The following HCN1 variants were observed in gnomAD, a reference collection of about 807,000 sequenced individuals.
The protein encoded by HCN1 is hyperpolarization activated cyclic nucleotide gated potassium channel 1.
Under a neutral mutation model 78.9 loss-of-function variants are expected in HCN1, and 13 were observed. That is an observed-to-expected ratio of 0.16 (90% CI 0.11 to 0.26). The LOEUF is 0.26. Ranked by LOEUF, HCN1 falls within the 10% of genes least tolerant of loss-of-function variation. The probability of loss-of-function intolerance (pLI) is 1.00; values close to 1 mark genes in which losing one functional copy is unlikely to be tolerated. For synonymous variants in HCN1, 552 were observed against 455.5 expected (o/e 1.21, Z -2.70); for missense variants, 810 against 1,154.3 (o/e 0.70, Z 4.32).
chr5:45,583,781 G>C lies in HCN1; in HGVS notation c.849+61404C>G, dbSNP rs547872158. Among the ~76,000 whole-genome samples, 49 of 152,184 alleles carry C rather than the reference G, an allele frequency of 3.2e-4. 1 individual carries two copies. Among genetic ancestry groups the C allele is most frequent in the South Asian group, 2.9e-3 (14 of 4,812 alleles). ...TTTATTTCTGACTTCATTTCATTATGTACCCAGCAGTCATTCAGGAACAGG... is the reference window on the plus strand; with the variant it reads ...TTTATTTCTGACTTCATTTCATTATCTACCCAGCAGTCATTCAGGAACAGG... On this transcript the variant is annotated intron_variant, in intron 2 of 7. Coordinates refer to ENST00000303230, the MANE Select transcript of HCN1 (RefSeq NM_021072.4).
intron 4 of HCN1, among the ~76,000 whole-genome samples, chr5:45,371,875 T>C (rs1299864421): frequency 1.8e-5 from 2 of 110,928 alleles, no homozygotes; most frequent in Non-Finnish European, 3.3e-5. Context: ...AGTAATATTA[T>C]ATATGAAATA....
chr5:45,467,591 C>A (rs1051873123), intron 2 of HCN1, among the ~76,000 whole-genome samples: 5 of 152,156 alleles, frequency 3.3e-5, no homozygotes, highest in South Asian at 2.1e-4. Flanking sequence ...GCTTGTACTA[C>A]TTAATTTTTT....
At chr5:45,305,841 G>A (rs1437051545) in intron 5 of HCN1, among the ~76,000 whole-genome samples, 1 of 149,106 alleles carries the variant, frequency 6.7e-6, no homozygotes, top group South Asian at 2.1e-4. Context: ...AAAGGAGGGA[G>A]GGAGGAAGGA....
intron 3 of HCN1, among the ~76,000 whole-genome samples, chr5:45,421,382 C>CA (rs1264552292): frequency 2.6e-5 from 4 of 151,814 alleles, no homozygotes; most frequent in East Asian, 1.9e-4. Flanking sequence ...TTTTTAACAA[C>CA]AAAAAAACTA....
intron 5 of HCN1, among the ~76,000 whole-genome samples, chr5:45,304,558 C>T (rs1745690514): frequency 1.3e-5 from 2 of 152,044 alleles, no homozygotes; most frequent in Non-Finnish European, 2.9e-5. Flanking sequence ...TGCCTGTAAT[C>T]CCAGCTACTC....
At chr5:45,283,233 C>G (rs1745204461) in intron 6 of HCN1, among the ~76,000 whole-genome samples, 1 of 151,910 alleles carries the variant, frequency 6.6e-6, no homozygotes, top group African/African-American at 2.4e-5. Context: ...ATAGGAACGG[C>G]CAAATATTTC....
At chr5:45,465,437 G>A (rs564740838) in intron 2 of HCN1, among the ~76,000 whole-genome samples, 7 of 151,954 alleles carry the variant, frequency 4.6e-5, no homozygotes, top group Non-Finnish European at 8.8e-5. Context: ...GTATTTACAG[G>A]AGTCAACTGA....
At chr5:45,318,576 A>T (rs1746051948) in intron 5 of HCN1, among the ~76,000 whole-genome samples, 1 of 151,562 alleles carries the variant, frequency 6.6e-6, no homozygotes, top group Admixed American at 6.6e-5. Context: ...AAAAAATATT[A>T]TTTAATAAAA....
chr5:45,675,011 G>T (rs1746238182), intron 1 of HCN1, among the ~76,000 whole-genome samples: 1 of 151,702 alleles, frequency 6.6e-6, no homozygotes, highest in Non-Finnish European at 1.5e-5. Flanking sequence ...ATAACTTCAG[G>T]ATTCCCAACT....
intron 3 of HCN1, among the ~76,000 whole-genome samples, chr5:45,406,158 C>T (rs1739915785): frequency 1.3e-5 from 2 of 152,030 alleles, no homozygotes; most frequent in African/African-American, 4.8e-5. Flanking sequence ...AAACAGGCCC[C>T]AAATTTGACA....
intron 2 of HCN1, chr5:45,575,752 C>A (rs1014863201): frequency 6.6e-6 from 1 of 152,050 alleles, no homozygotes; most frequent in Non-Finnish European, 1.5e-5. Flanking sequence ...ATTGACAATG[C>A]ACCAAGTCAC....
chr5:45,330,683 CT>C (rs1340670476), intron 5 of HCN1, among the ~76,000 whole-genome samples: 1 of 150,780 alleles, frequency 6.6e-6, no homozygotes. Context: ...AGTGAGATAG[CT>C]TTGCAAGAAA....
chr5:45,315,124 C>T (rs1382904783), intron 5 of HCN1, among the ~76,000 whole-genome samples: 2 of 152,184 alleles, frequency 1.3e-5, no homozygotes, highest in African/African-American at 2.4e-5. Context: ...CTTCTCAGCA[C>T]CACATCACAC....
chr5:45,266,997 C>G, intron 7 of HCN1, 92 bp downstream of exon 7: 2 of 1,092,006 alleles, frequency 1.8e-6, no homozygotes, highest in East Asian at 4.8e-5. Context: ...GCATGAGTCA[C>G]CACTCCCCAC....
chr5:45,313,154 C>G (rs1448782028), intron 5 of HCN1, among the ~76,000 whole-genome samples: 2 of 152,118 alleles, frequency 1.3e-5, no homozygotes, highest in Non-Finnish European at 2.9e-5. Flanking sequence ...GCAGAGTACC[C>G]CTCTGAGATG....
At chr5:45,599,117 T>C (rs570356815) in intron 2 of HCN1, among the ~76,000 whole-genome samples, 74 of 152,280 alleles carry the variant, frequency 4.9e-4, no homozygotes, top group African/African-American at 1.7e-3. Flanking sequence ...CATGTATGTT[T>C]ATTGCGGGAC....
chr5:45,474,467 T>C (rs541527894), intron 2 of HCN1, among the ~76,000 whole-genome samples: 53 of 151,998 alleles, frequency 3.5e-4, no homozygotes, highest in South Asian at 8.3e-4. Flanking sequence ...TTTCAAAACC[T>C]CCTAAATTAT....
At chr5:45,523,671 T>C (rs1742665371) in intron 2 of HCN1, among the ~76,000 whole-genome samples, 1 of 152,138 alleles carries the variant, frequency 6.6e-6, no homozygotes, top group Non-Finnish European at 1.5e-5. Flanking sequence ...TTGAGAGGTG[T>C]CTGTTCATGT....
At chr5:45,573,080 A>T (rs1743866168) in intron 2 of HCN1, among the ~76,000 whole-genome samples, 1 of 152,150 alleles carries the variant, frequency 6.6e-6, no homozygotes, top group African/African-American at 2.4e-5. Context: ...AAGGTTGATG[A>T]TAGAAACTTA....
Sources: allele counts gnomAD v4.1 joint callset (sites outside exome capture counted in the v4.1 genomes callset), GRCh38; gene constraint gnomAD v4.1.1; transcripts MANE v1.5; gene names NCBI Gene and HGNC (gene_info 2026-07-23, HGNC 2026-07-21).